Variants in COL9A1 observed in about 807,000 individuals in gnomAD.
The protein encoded by COL9A1 is collagen type IX alpha 1 chain.
In COL9A1, 104 loss-of-function variants were observed where a neutral mutation model predicts 142.6. That is an observed-to-expected ratio of 0.73 (90% confidence interval 0.62 to 0.86). The LOEUF (loss-of-function observed/expected upper bound fraction) is 0.86. Among genes scored for constraint, COL9A1 ranks in the 40% least tolerant of loss-of-function variants. COL9A1 has a pLI of 0.00. For missense variants in COL9A1, 1,210 were observed against 1,176.6 expected (o/e 1.03, Z -0.42); for synonymous variants, 466 against 396.0 (o/e 1.18, Z -2.10).
chr6:70,260,441 G>A (rs118104552), intron 20 of COL9A1, among the ~76,000 whole-genome samples: 1,890 of 151,688 alleles, frequency 0.012, 22 homozygotes, highest in Non-Finnish European at 0.02. Flanking sequence ...TGCTCTACTC[G>A]TGATGCTGAG....
Position 70,263,311 on chromosome 6 carries a change from A to AT in COL9A1, c.1342-15_1342-14insA. 1 of 1,605,552 alleles carries AT rather than the reference A, an allele frequency of 6.2e-7. No individual in the cohort carries two copies. Among genetic ancestry groups the AT allele is most frequent in the Non-Finnish European group, 8.5e-7 (1 of 1,175,552 alleles). On this transcript the variant is annotated splice_polypyrimidine_tract_variant and intron_variant, in intron 18 of 37. Coordinates refer to ENST00000357250, the MANE Select transcript of COL9A1 (RefSeq NM_001851.6). ...ACCTTCTTCACCCTAAAGAAAAAAA[A>AT]GAAAAAAGAAAAGCACACCAAATGT...
Position 70,230,547 on chromosome 6 carries a change from G to A in COL9A1, c.2503+2036C>T, listed in dbSNP as rs934296975. Among the ~76,000 whole-genome samples the A allele has an allele frequency of 7.9e-5, 12 of 152,202 alleles. No individual in the cohort carries two copies. The East Asian group carries it at 2.1e-3, about 27-fold the overall frequency. On this transcript the variant is annotated intron_variant, in intron 36 of 37. Coordinates refer to ENST00000357250, the MANE Select transcript of COL9A1 (RefSeq NM_001851.6). ...CATGATCAAGCTATACTTGACAAAC[G>A]AACTTAGTGCTAGAGCCATTTCCCA...
intron 32 of COL9A1, among the ~76,000 whole-genome samples, chr6:70,240,350 T>C (rs935005138): frequency 3.9e-5 from 6 of 152,184 alleles, no homozygotes; most frequent in African/African-American, 1.4e-4. Context: ...TCTATAGTCA[T>C]GTAAGAATCA....
intron 20 of COL9A1, among the ~76,000 whole-genome samples, chr6:70,257,574 C>G (rs1013266499): frequency 2.6e-5 from 4 of 151,992 alleles, no homozygotes; most frequent in Admixed American, 6.6e-5. Flanking sequence ...ATGGAGAAAC[C>G]CAGTCTCTAC....
chr6:70,268,787 G>A lies in COL9A1; in HGVS notation c.1287+17C>T. On this transcript the variant is annotated intron_variant, in intron 17 of 37. Transcript: ENST00000357250. ...CTGTGGATAATACTCTTAAAATACTGGAAGTTATTCTCTTACCCTCATGCC... is the reference window on the plus strand; with the variant it reads ...CTGTGGATAATACTCTTAAAATACTAGAAGTTATTCTCTTACCCTCATGCC... 1 of 1,610,672 alleles carries A rather than the reference G, an allele frequency of 6.2e-7. No individual in the cohort carries two copies. The highest frequency in any genetic ancestry group is 8.5e-7 in the Non-Finnish European group (1 of 1,177,112).
chr6:70,233,226 G>A (rs138538881), intron 35 of COL9A1, among the ~76,000 whole-genome samples: 78 of 152,284 alleles, frequency 5.1e-4, no homozygotes, highest in Middle Eastern at 3.4e-3. Context: ...TTAATATTCA[G>A]ACACCATTTG....
chr6:70,218,969 A>T (rs1768703909), intron 37 of COL9A1, among the ~76,000 whole-genome samples: 1 of 152,190 alleles, frequency 6.6e-6, no homozygotes. Context: ...CTTTCATTCA[A>T]CTATACCTAG....
chr6:70,253,516 T>G (rs1028659272), intron 25 of COL9A1, 87 bp from the exon 26 acceptor site: 2 of 938,250 alleles, frequency 2.1e-6, no homozygotes, highest in Non-Finnish European at 3.5e-6. Flanking sequence ...GCAGGGAGGC[T>G]GAGGGAATCA....
intron 36 of COL9A1, 75 bp from the exon 37 acceptor site, chr6:70,226,084 A>G: frequency 7.5e-7 from 1 of 1,333,444 alleles, no homozygotes; most frequent in South Asian, 1.2e-5. Flanking sequence ...AACTTTCAGC[A>G]AATCTAAAAT....
At chr6:70,269,767 T>G (rs1772272505) in intron 15 of COL9A1, 102 bp from the exon 16 acceptor site, 5 of 732,306 alleles carry the variant, frequency 6.8e-6, no homozygotes, top group Non-Finnish European at 1.2e-5. Context: ...AATATATTTG[T>G]TTAATAAAAT....
rs202054376 is a variant in COL9A1 at position 70,302,204 on chromosome 6, C to CTTT, written c.15-133_15-131dup. On this transcript the variant is annotated intron_variant, in intron 1 of 37. Transcript: ENST00000357250. The stretch of plus-strand genomic sequence containing the variant: ...TCACAGTATAGTTTTTTTTTCATTT[C>CTTT]TTTTTTTTTTTTTTTTTTTTTTTGA... The CTTT allele has an allele frequency of 1.3e-3, 478 of 359,426 alleles. 9 individuals are homozygous for CTTT. Among genetic ancestry groups the CTTT allele is most frequent in the African/African-American group, 2.1e-3 (77 of 35,838 alleles). 22.3% of individuals were successfully genotyped at this position (359,426 alleles called of 1,614,324 possible).
At chr6:70,263,083 G>A (rs1033845606) in intron 19 of COL9A1, among the ~76,000 whole-genome samples, 161 bp downstream of exon 19, 7 of 152,002 alleles carry the variant, frequency 4.6e-5, no homozygotes, top group African/African-American at 1.7e-4. Context: ...CTCCTATTTT[G>A]AAGAAGTAGT....
chr6:70,237,037 G>A (rs1769954690), intron 33 of COL9A1, among the ~76,000 whole-genome samples: 1 of 152,120 alleles, frequency 6.6e-6, no homozygotes. Flanking sequence ...TGGTCAGGCT[G>A]GTCTCAAACT....
rs3806081 is a variant in COL9A1 at position 70,253,544 on chromosome 6, T to C, written c.1720-115A>G. On this transcript the variant is annotated intron_variant, in intron 25 of 37. Coordinates refer to ENST00000357250, the MANE Select transcript of COL9A1 (RefSeq NM_001851.6). Reference sequence around the variant, plus strand: ...GGGAATCATGATAACCTCAAAGCTTTAATGTAAGGAAGATGCTTCCTAGTT... The same window carrying C: ...GGGAATCATGATAACCTCAAAGCTTCAATGTAAGGAAGATGCTTCCTAGTT... The C allele has an allele frequency of 0.028, 20,921 of 760,172 alleles. 693 individuals carry two copies. Among genetic ancestry groups the C allele is most frequent in the East Asian group, 0.095 (3,842 of 40,284 alleles). The allele number at this position is 760,172 out of a possible 1,614,324, so 47.1% of individuals were successfully genotyped here. A position where few individuals can be genotyped will look rare whatever the true frequency, so the allele number is the denominator to read the frequency against.
At position 70,224,234 on chromosome 6, in the gene COL9A1, T is replaced by G. The variant is rs147662164; in HGVS notation, c.2581+1698A>C. 3.3e-3 allele frequency among the ~76,000 whole-genome samples: 495 copies of G among 152,298 alleles called. 10 individuals carry two copies. Among genetic ancestry groups the G allele is most frequent in the East Asian group, 5.6e-3 (29 of 5,184 alleles). ...TTACTTACACGTGGATGGTCTGATG[T>G]TCTAAAAAGCAAGTCGGGGAAGCCC... is the stretch of plus-strand genomic sequence containing the variant. On this transcript the variant is annotated intron_variant, in intron 37 of 37. Transcript: ENST00000357250.
At chr6:70,231,427 T>A (rs552107585) in intron 36 of COL9A1, among the ~76,000 whole-genome samples, 1 of 152,124 alleles carries the variant, frequency 6.6e-6, no homozygotes, top group Admixed American at 6.6e-5. Context: ...AATGTTCAGT[T>A]CTCTTTAAGA....
chr6:70,267,874 A>G (rs1317128691), intron 17 of COL9A1, among the ~76,000 whole-genome samples: 1 of 152,180 alleles, frequency 6.6e-6, no homozygotes, highest in East Asian at 1.9e-4. Flanking sequence ...GAGGGAACCC[A>G]CCAAAACTAC....
rs1018890619 is a variant in COL9A1 at position 70,270,516 on chromosome 6, C to T, written c.1144-149G>A. 23 of 540,958 alleles carry T rather than the reference C, an allele frequency of 4.3e-5. No homozygotes were observed. In the Admixed American group the frequency reaches 6.0e-4, roughly 14 times the overall value. 33.5% of individuals were successfully genotyped at this position (540,958 alleles called of 1,614,324 possible). A position where few individuals can be genotyped will look rare whatever the true frequency, so the allele number is the denominator to read the frequency against. Reference sequence around the variant, plus strand: ...CTGCCACCAAAATCGATGGGTGGCCCGTAATCCAATTAGTTCTACAAAATG... The same window carrying T: ...CTGCCACCAAAATCGATGGGTGGCCTGTAATCCAATTAGTTCTACAAAATG... On this transcript the variant is annotated intron_variant, in intron 14 of 37. Transcript: ENST00000357250.
In COL9A1 at chr6:70,270,366, C is replaced by G; in HGVS notation, c.1145G>C (p.Gly382Ala). 6.2e-7 allele frequency: 1 copy of G among 1,613,380 alleles called. No homozygotes were observed. The part of the protein sequence containing the change: ...PGELGRVGPV[G>A]DPGRRGPPGP... The stretch of plus-strand genomic sequence containing the variant: ...AGGTGGTCCTCTTCTCCCAGGGTCA[C>G]CCTAAGTTATTTGAAAATTGCGACA... The change falls in exon 15 of 38, where the codon GGT becomes GCT. Residue 382 changes from glycine to alanine, a missense_variant and splice_region_variant. Coordinates refer to ENST00000357250, the MANE Select transcript of COL9A1 (RefSeq NM_001851.6).
Sources: allele counts gnomAD v4.1 joint callset (sites outside exome capture counted in the v4.1 genomes callset), GRCh38; gene constraint gnomAD v4.1.1; transcripts MANE v1.5; gene names NCBI Gene and HGNC (gene_info 2026-07-23, HGNC 2026-07-21).